Variants in IMMP2L observed in about 807,000 individuals in gnomAD.
IMMP2L encodes the protein inner mitochondrial membrane peptidase subunit 2, also known as mitochondrial inner membrane protease subunit 2.
Under a neutral mutation model 19.3 loss-of-function variants are expected in IMMP2L, and 18 were observed. The observed-to-expected ratio is 0.93, with a 90% CI of 0.64 to 1.38. The LOEUF (loss-of-function observed/expected upper bound fraction) is 1.38. IMMP2L is among the 40% of genes most tolerant of loss of function. The probability of loss-of-function intolerance (pLI) is 0.00; values close to 1 mark genes in which losing one functional copy is unlikely to be tolerated. For missense variants in IMMP2L, 233 were observed against 218.2 expected, an observed-to-expected ratio of 1.07 and a Z score of -0.43; for synonymous variants, 76 against 73.0, an observed-to-expected ratio of 1.04 and a Z score of -0.21.
chr7:110,958,358 G>T (rs985821794), intron 4 of IMMP2L, among the ~76,000 whole-genome samples: 1 of 151,964 alleles, frequency 6.6e-6, no homozygotes, highest in Non-Finnish European at 1.5e-5. Flanking sequence ...AAACACACAG[G>T]TGTACAAAGG....
intron 3 of IMMP2L, among the ~76,000 whole-genome samples, chr7:111,162,769 T>TA (rs1416758995): frequency 6.6e-6 from 1 of 151,964 alleles, no homozygotes; most frequent in African/African-American, 2.4e-5. Flanking sequence ...TCCGCTTGAC[T>TA]AAGCCTCAAA....
intron 2 of IMMP2L, among the ~76,000 whole-genome samples, chr7:111,512,774 A>G (rs1845565615): frequency 6.6e-6 from 1 of 152,050 alleles, no homozygotes; most frequent in South Asian, 2.1e-4. Flanking sequence ...ATGTAATAGA[A>G]TAGAGAATCC....
At chr7:110,881,703 T>C (rs1276217999) in intron 5 of IMMP2L, among the ~76,000 whole-genome samples, 3 of 152,156 alleles carry the variant, frequency 2.0e-5, no homozygotes, top group Non-Finnish European at 4.4e-5. Context: ...AATGCTACAA[T>C]TCGACAATAA....
chr7:110,785,362 C>T (rs1296609755), intron 5 of IMMP2L, among the ~76,000 whole-genome samples: 1 of 151,728 alleles, frequency 6.6e-6, no homozygotes, highest in Non-Finnish European at 1.5e-5. Context: ...GTGGTGATTC[C>T]ACATCAGTGT....
chr7:111,477,233 A>T (rs1841799353), intron 3 of IMMP2L, among the ~76,000 whole-genome samples: 1 of 152,066 alleles, frequency 6.6e-6, no homozygotes, highest in Admixed American at 6.6e-5. Context: ...CCACCCCTCT[A>T]CCAACCACCA....
At chr7:111,348,948 A>G (rs1827856538) in intron 3 of IMMP2L, among the ~76,000 whole-genome samples, 1 of 152,070 alleles carries the variant, frequency 6.6e-6, no homozygotes, top group Non-Finnish European at 1.5e-5. Flanking sequence ...TTCATCAAAA[A>G]TCCTTTCAAG....
At chr7:111,225,260 C>T (rs1177776929) in intron 3 of IMMP2L, among the ~76,000 whole-genome samples, 1 of 152,064 alleles carries the variant, frequency 6.6e-6, no homozygotes, top group Non-Finnish European at 1.5e-5. Flanking sequence ...GTTTGAAAAA[C>T]TTACATCTGT....
At chr7:110,830,020 G>C (rs929764273) in intron 5 of IMMP2L, among the ~76,000 whole-genome samples, 1 of 152,068 alleles carries the variant, frequency 6.6e-6, no homozygotes, top group Non-Finnish European at 1.5e-5. Context: ...ACCAATGAGG[G>C]AACAGGGCTG....
intron 3 of IMMP2L, among the ~76,000 whole-genome samples, chr7:111,270,200 T>C (rs1234740642): frequency 1.3e-5 from 2 of 151,906 alleles, no homozygotes; most frequent in Non-Finnish European, 2.9e-5. Flanking sequence ...GCCTTTTATT[T>C]AAAAAAATAA....
intron 3 of IMMP2L, among the ~76,000 whole-genome samples, chr7:110,987,825 A>G (rs894522844): frequency 6.6e-6 from 1 of 152,184 alleles, no homozygotes; most frequent in East Asian, 1.9e-4. Flanking sequence ...CATTACATTC[A>G]TTTAAAAATA....
At chr7:111,126,961 T>C (rs1801376592) in intron 3 of IMMP2L, among the ~76,000 whole-genome samples, 1 of 152,204 alleles carries the variant, frequency 6.6e-6, no homozygotes. Context: ...TTGTTAATAT[T>C]AGACATTTAT....
chr7:111,538,668 G>A (rs1021347555), intron 1 of IMMP2L, among the ~76,000 whole-genome samples: 1 of 149,678 alleles, frequency 6.7e-6, no homozygotes, highest in Admixed American at 6.7e-5. Context: ...AACATAGCCA[G>A]TCATGGTGGC....
chr7:111,007,249 G>C (rs1824388229), intron 3 of IMMP2L, among the ~76,000 whole-genome samples: 1 of 152,076 alleles, frequency 6.6e-6, no homozygotes, highest in Non-Finnish European at 1.5e-5. Context: ...CATGAGAACA[G>C]CATGGGGGAA....
intron 3 of IMMP2L, among the ~76,000 whole-genome samples, chr7:110,979,466 C>T (rs1299825175): frequency 6.6e-6 from 1 of 151,840 alleles, no homozygotes; most frequent in Non-Finnish European, 1.5e-5. Context: ...CTAGTTTTTC[C>T]TATTCTTAAC....
At chr7:110,876,902 C>T (rs189603453) in intron 5 of IMMP2L, among the ~76,000 whole-genome samples, 85 of 152,236 alleles carry the variant, frequency 5.6e-4, no homozygotes, top group African/African-American at 1.9e-3. Context: ...AAATTTCTGA[C>T]TTTCCTATTA....
chr7:111,530,168 T>A (rs145822591), intron 1 of IMMP2L, among the ~76,000 whole-genome samples: 1 of 152,294 alleles, frequency 6.6e-6, no homozygotes, highest in Non-Finnish European at 1.5e-5. Flanking sequence ...GCAAAATTTT[T>A]CATCTGTGAA....
chr7:111,062,551 C>T (rs757502284), intron 3 of IMMP2L, among the ~76,000 whole-genome samples: 1 of 152,288 alleles, frequency 6.6e-6, no homozygotes, highest in East Asian at 1.9e-4. Context: ...CTCATTTCAG[C>T]ACTAACTTAA....
chr7:110,918,680 T>A (rs1227816503), intron 4 of IMMP2L, among the ~76,000 whole-genome samples: 2 of 151,808 alleles, frequency 1.3e-5, no homozygotes, highest in African/African-American at 4.8e-5. Context: ...GGTCTTGAAC[T>A]CCTGACCTCA....
chr7:111,085,231 T>C (rs899936982), intron 3 of IMMP2L, among the ~76,000 whole-genome samples: 1 of 152,240 alleles, frequency 6.6e-6, no homozygotes, highest in Admixed American at 6.5e-5. Context: ...ATGATTCGTA[T>C]CTTTCATTAA....
Sources: gnomAD v4.1 joint callset for allele counts (sites outside exome capture counted in the v4.1 genomes callset) on GRCh38, gnomAD v4.1.1 for gene constraint, MANE v1.5 for transcripts, NCBI Gene and HGNC (gene_info 2026-07-23, HGNC 2026-07-21) for gene names.